BTAF1: variants seen among roughly 807,000 people sequenced by gnomAD.
BTAF1 encodes the protein B-TFIID TATA-box binding protein associated factor 1.
In BTAF1, 38 loss-of-function variants were observed where a neutral mutation model predicts 227.1. That is an observed-to-expected ratio of 0.17 (90% confidence interval 0.13 to 0.22). The LOEUF is 0.22. BTAF1 is among the 10% of genes least tolerant of loss of function. The probability of loss-of-function intolerance (pLI) is 1.00; values close to 1 mark genes in which losing one functional copy is unlikely to be tolerated. For synonymous variants in BTAF1, 742 were observed against 751.9 expected (o/e 0.99, Z 0.21); for missense variants, 1,598 against 2,204.0 (o/e 0.73, Z 5.51).
intron 22 of BTAF1, 122 bp downstream of exon 22, chr10:91,993,969 GT>G: frequency 1.4e-6 from 1 of 714,124 alleles, no homozygotes; most frequent in Middle Eastern, 4.6e-4. Flanking sequence ...CAGCTGGTAA[GT>G]TTTAAAATGG....
At chr10:92,012,101 CCTCCCT>C (rs1850348959) in intron 30 of BTAF1, among the ~76,000 whole-genome samples, 1 of 85,072 alleles carries the variant, frequency 1.2e-5, no homozygotes, top group Non-Finnish European at 2.4e-5. Flanking sequence ...CTCCCCTCCC[CCTCCCT>C]CCCCTCCTGT....
At chr10:91,977,712 T>C (rs1047943384) in intron 14 of BTAF1, among the ~76,000 whole-genome samples, 1 of 152,214 alleles carries the variant, frequency 6.6e-6, no homozygotes. Context: ...TTGATTCATA[T>C]CCTGGCCAGC....
At chr10:91,956,270 A>C (rs1248310221) in intron 6 of BTAF1, among the ~76,000 whole-genome samples, 1 of 152,192 alleles carries the variant, frequency 6.6e-6, no homozygotes, top group East Asian at 1.9e-4. Context: ...TATTAAATTC[A>C]AGATCCAATT....
At chr10:91,962,431 A>G (rs1846592474) in intron 11 of BTAF1, 107 bp from the exon 12 acceptor site, 5 of 742,878 alleles carry the variant, frequency 6.7e-6, no homozygotes, top group Non-Finnish European at 1.1e-5. Context: ...GTGCATGACT[A>G]TAAATATTGG....
chr10:91,996,390 C>T lies in BTAF1; in HGVS notation c.3331C>T (p.Leu1111Phe), dbSNP rs1178034661. The change falls in exon 24 of 38, where the codon CTT becomes TTT. Residue 1111 changes from leucine to phenylalanine, a missense_variant. Coordinates refer to ENST00000265990, the MANE Select transcript of BTAF1 (RefSeq NM_003972.3). ...TTAGTTGGTCCAGCATTTGCCACAT[C>T]TTTATATGTGCCTTCAATACCCCAG... ...HPLLVQHLPH[L>F]YMCLQYPSTA... 8.1e-6 allele frequency: 13 copies of T among 1,614,094 alleles called. No homozygotes were observed. The highest frequency in any genetic ancestry group is 1.1e-5 in the Non-Finnish European group (13 of 1,180,006).
Position 92,016,443 on chromosome 10 carries a change from A to G in BTAF1, c.4688A>G (p.Lys1563Arg), listed in dbSNP as rs1440715306. ...LSEETEKPKL[K>R]ATGHVFQALQ... Reference sequence around the variant, plus strand: ...GAAGAAACTGAAAAACCAAAGCTTAAAGCTACAGGCCACGTATTCCAGGTA... The same window carrying G: ...GAAGAAACTGAAAAACCAAAGCTTAGAGCTACAGGCCACGTATTCCAGGTA... Residue 1563 changes from lysine to arginine, a missense_variant, in exon 33 of 38, where the codon AAA becomes AGA. By Grantham distance (26) the Lys-to-Arg change is conservative. Coordinates refer to ENST00000265990, the MANE Select transcript of BTAF1 (RefSeq NM_003972.3). The G allele has an allele frequency of 6.9e-6, 11 of 1,584,302 alleles. No homozygotes were observed. Among genetic ancestry groups the G allele is most frequent in the Non-Finnish European group, 9.4e-6 (11 of 1,169,934 alleles).
rs1292365076 is a variant in BTAF1, at chr10:92,029,656, A to G, written c.*723A>G. 2 of 151,974 alleles carry G rather than the reference A, an allele frequency of 1.3e-5. No individual in the cohort carries two copies. The highest frequency in any genetic ancestry group is 2.4e-5 in the African/African-American group (1 of 41,394). The allele number at this position is 151,974 out of a possible 1,614,324, so 9.4% of individuals were successfully genotyped here. A position where few individuals can be genotyped will look rare whatever the true frequency, so the allele number is the denominator to read the frequency against. The stretch of plus-strand genomic sequence containing the variant: ...TACGATATAGCCAGATTCAAATAAC[A>G]TATGTACTCAATAGGTTTCAATCAT... On this transcript the variant is annotated 3_prime_UTR_variant, in exon 38 of 38. Transcript: ENST00000265990.
rs546795390 is a variant in BTAF1 at position 91,995,677 on chromosome 10, A to C, written c.3310-692A>C. ...GGCGACAGAGCGAGACTCAGTCTCA[A>C]AAAAAAAAAGAAGGAAAAAAAAAAG... is the stretch of plus-strand genomic sequence containing the variant. On this transcript the variant is annotated intron_variant, in intron 23 of 37. Coordinates refer to ENST00000265990, the MANE Select transcript of BTAF1 (RefSeq NM_003972.3). 7.3e-5 allele frequency among the ~76,000 whole-genome samples: 11 copies of C among 150,456 alleles called. No individual in the cohort carries two copies. In the South Asian group the frequency reaches 2.3e-3, roughly 31 times the overall value.
intron 32 of BTAF1, among the ~76,000 whole-genome samples, chr10:92,015,742 TCA>T (rs2134139850): frequency 6.6e-6 from 1 of 152,338 alleles, no homozygotes; most frequent in East Asian, 1.9e-4. Context: ...TGTTTAGCAT[TCA>T]CAGATTTTTT....
chr10:91,992,532 A>G (rs1322701612), intron 21 of BTAF1, among the ~76,000 whole-genome samples: 1 of 152,212 alleles, frequency 6.6e-6, no homozygotes, highest in Non-Finnish European at 1.5e-5. Context: ...TAGGCAAGAC[A>G]GCCTTGTAAA....
At chr10:92,020,022 G>A (rs768280665) in intron 34 of BTAF1, among the ~76,000 whole-genome samples, 7 of 151,374 alleles carry the variant, frequency 4.6e-5, no homozygotes, top group Non-Finnish European at 7.4e-5. Flanking sequence ...ACACCCTGCC[G>A]AGAAATTCTT....
At chr10:91,996,255 A>G in intron 23 of BTAF1, 114 bp from the exon 24 acceptor site, 1 of 803,462 alleles carries the variant, frequency 1.2e-6, no homozygotes, top group East Asian at 2.7e-5. Flanking sequence ...GTATTTGGAG[A>G]TATTTTTAGA....
At chr10:91,986,557 T>C (rs77482853) in intron 19 of BTAF1, among the ~76,000 whole-genome samples, 17 of 136,254 alleles carry the variant, frequency 1.2e-4, no homozygotes, top group Non-Finnish European at 1.6e-4. Flanking sequence ...CTGTTTTTTT[T>C]CCCCCTGGGT....
chr10:91,967,841 A>G (rs1399491041), intron 14 of BTAF1, among the ~76,000 whole-genome samples: 1 of 152,134 alleles, frequency 6.6e-6, no homozygotes, highest in African/African-American at 2.4e-5. Flanking sequence ...AAGTTACCAA[A>G]TTTTTTATCT....
At chr10:92,004,862 C>T (rs1849774026) in intron 25 of BTAF1, among the ~76,000 whole-genome samples, 1 of 152,086 alleles carries the variant, frequency 6.6e-6, no homozygotes, top group South Asian at 2.1e-4. Flanking sequence ...TATTTTTTTC[C>T]AGTAATTTTA....
At chr10:91,930,444 T>G (rs750067406) in intron 1 of BTAF1, among the ~76,000 whole-genome samples, 2 of 152,188 alleles carry the variant, frequency 1.3e-5, no homozygotes, top group Non-Finnish European at 1.5e-5. Context: ...GAGTTTATGG[T>G]CCAGGGTAGA....
chr10:92,001,969 CATATAT>C (rs10561233), intron 25 of BTAF1, among the ~76,000 whole-genome samples: 5,590 of 109,716 alleles, frequency 0.051, 207 homozygotes, highest in Non-Finnish European at 0.074. Flanking sequence ...AAAAAAAAAC[CATATAT>C]ATATATATAT....
intron 3 of BTAF1, among the ~76,000 whole-genome samples, chr10:91,940,388 C>T (rs1564658585): frequency 6.6e-6 from 1 of 151,934 alleles, no homozygotes; most frequent in African/African-American, 2.4e-5. Flanking sequence ...ATTTGAAAGT[C>T]TTTTTTTCTT....
At chr10:91,962,487 A>G (rs547237258) in intron 11 of BTAF1, 51 bp from the exon 12 acceptor site, 7 of 1,326,852 alleles carry the variant, frequency 5.3e-6, no homozygotes, top group Non-Finnish European at 7.3e-6. Flanking sequence ...ATGTTTAAGC[A>G]CAGTAACTGT....
Sources: gnomAD v4.1 joint callset for allele counts (sites outside exome capture counted in the v4.1 genomes callset) on GRCh38, gnomAD v4.1.1 for gene constraint, MANE v1.5 for transcripts, NCBI Gene and HGNC (gene_info 2026-07-23, HGNC 2026-07-21) for gene names.